C6orf118: variants seen among roughly 807,000 people sequenced by gnomAD.
C6orf118 encodes chromosome 6 open reading frame 118.
A neutral mutation model predicts 50.2 loss-of-function variants in C6orf118; 50 were observed. The observed-to-expected ratio is 1.00, with a 90% CI of 0.79 to 1.26. The LOEUF (loss-of-function observed/expected upper bound fraction) is 1.26. C6orf118 is among the 50% of genes most tolerant of loss of function. C6orf118 has a pLI of 0.00. For missense variants in C6orf118, 641 were observed against 578.7 expected, an observed-to-expected ratio of 1.11 and a Z score of -1.10; for synonymous variants, 239 against 230.9, an observed-to-expected ratio of 1.03 and a Z score of -0.32.
Position 165,286,908 on chromosome 6 carries a change from A to G in C6orf118, c.1302+2978T>C, listed in dbSNP as rs75789419. Among the ~76,000 whole-genome samples, 103 of 152,296 alleles carry G rather than the reference A, an allele frequency of 6.8e-4. 2 individuals are homozygous for G. In the East Asian group the frequency reaches 0.016, roughly 24 times the overall value. ...CTCGCTCACCACTCCTATTCAACAT[A>G]ATATTGGGAGTTCTAGCCAGGGCAA... On this transcript the variant is annotated intron_variant, in intron 7 of 8. Coordinates refer to ENST00000230301, the MANE Select transcript of C6orf118 (RefSeq NM_144980.4).
chr6:165,289,502 T>C (rs1780031704), intron 7 of C6orf118, among the ~76,000 whole-genome samples: 1 of 152,178 alleles, frequency 6.6e-6, no homozygotes, highest in Non-Finnish European at 1.5e-5. Flanking sequence ...ATATGTGTAA[T>C]GGTGGGCTTT....
At chr6:165,281,365 G>A (rs1259562298) in intron 8 of C6orf118, 3 of 342,260 alleles carry the variant, frequency 8.8e-6, no homozygotes, top group Non-Finnish European at 1.4e-5. Flanking sequence ...TTTAATGTAA[G>A]CATTCATGAG....
At chr6:165,282,910 C>T (rs1420322024) in intron 7 of C6orf118, among the ~76,000 whole-genome samples, 3 of 152,000 alleles carry the variant, frequency 2.0e-5, no homozygotes, top group Admixed American at 2.0e-4. Flanking sequence ...TTATATCATG[C>T]TTCAATATTT....
At chr6:165,293,596 C>T (rs530893718) in intron 5 of C6orf118, 125 bp from the exon 6 acceptor site, 21 of 664,080 alleles carry the variant, frequency 3.2e-5, no homozygotes, top group Non-Finnish European at 4.4e-5. Flanking sequence ...ACTTTTAACA[C>T]GACAGATACT....
chr6:165,306,476 A>T (rs532298721), intron 1 of C6orf118, among the ~76,000 whole-genome samples: 1 of 92,456 alleles, frequency 1.1e-5, no homozygotes, highest in Non-Finnish European at 2.0e-5. Flanking sequence ...GAGTATAATA[A>T]AAAAAAATTA....
intron 6 of C6orf118, among the ~76,000 whole-genome samples, chr6:165,291,721 AG>A (rs1372443970): frequency 6.6e-6 from 1 of 152,228 alleles, no homozygotes; most frequent in Non-Finnish European, 1.5e-5. Flanking sequence ...TGGACTCCAA[AG>A]AATATCAACA....
chr6:165,297,695 C>T (rs1235845955), intron 5 of C6orf118, among the ~76,000 whole-genome samples: 4 of 151,984 alleles, frequency 2.6e-5, no homozygotes, highest in Non-Finnish European at 5.9e-5. Flanking sequence ...GATCTGCAGC[C>T]CTCTCGCCTA....
chr6:165,300,234 G>GTGAT, intron 3 of C6orf118, 130 bp downstream of exon 3: 1 of 1,086,236 alleles, frequency 9.2e-7, no homozygotes, highest in Non-Finnish European at 1.3e-6. Flanking sequence ...GTCTCTGGGA[G>GTGAT]TGATGGTCCC....
rs764878086 is a variant in C6orf118 at position 165,302,274 on chromosome 6, G to A, written c.48C>T (p.Cys16=). ...EPELYLKWKH[C]ETPGVKTLCN... ...ACAGGGTCTTCACGCCTGGCGTCTC[G>A]CAGTGCTTCCACTTCAGGTACACTG... Residue 16 remains cysteine (C), a synonymous_variant, in exon 2 of 9, where the codon TGC becomes TGT. Coordinates refer to ENST00000230301, the MANE Select transcript of C6orf118 (RefSeq NM_144980.4). 1.1e-5 allele frequency: 17 copies of A among 1,613,270 alleles called. No homozygotes were observed. In the Admixed American group the frequency reaches 1.8e-4, roughly 17 times the overall value.
chr6:165,295,608 C>T lies in C6orf118; in HGVS notation c.1062-2137G>A, dbSNP rs937510599. On this transcript the variant is annotated intron_variant, in intron 5 of 8. Transcript: ENST00000230301. ...TTGCTAATTCAAATGGATACTTTTC[C>T]GTCAGTGTAGCAATTTATACTATTT... Among the ~76,000 whole-genome samples the T allele has an allele frequency of 4.0e-5, 6 of 151,632 alleles. No individual in the cohort carries two copies. In the East Asian group the frequency reaches 9.7e-4, roughly 24 times the overall value.
intron 8 of C6orf118, among the ~76,000 whole-genome samples, chr6:165,281,304 T>A (rs957407422): frequency 6.6e-6 from 1 of 152,236 alleles, no homozygotes; most frequent in South Asian, 2.1e-4. Context: ...GATTGAGGTC[T>A]AAATCTTAGA....
chr6:165,308,804 G>A (rs551817319), intron 1 of C6orf118, among the ~76,000 whole-genome samples: 29 of 152,266 alleles, frequency 1.9e-4, no homozygotes, highest in African/African-American at 6.7e-4. Flanking sequence ...CCAAGACCAC[G>A]CTCTCAACCT....
intron 7 of C6orf118, among the ~76,000 whole-genome samples, chr6:165,286,508 A>G (rs959495774): frequency 6.6e-6 from 1 of 152,204 alleles, no homozygotes; most frequent in Non-Finnish European, 1.5e-5. Context: ...CCTCTGATGA[A>G]CATTGATGCA....
intron 7 of C6orf118, among the ~76,000 whole-genome samples, chr6:165,288,963 A>G (rs1780012546): frequency 6.6e-6 from 1 of 152,074 alleles, no homozygotes; most frequent in Non-Finnish European, 1.5e-5. Flanking sequence ...AATAAAATAA[A>G]ATAAATAAAT....
intron 7 of C6orf118, among the ~76,000 whole-genome samples, chr6:165,283,474 C>T (rs1169212101): frequency 6.6e-6 from 1 of 152,228 alleles, no homozygotes; most frequent in African/African-American, 2.4e-5. Context: ...GCACCTGCTC[C>T]ACCAAGGGGC....
chr6:165,298,571 A>G lies in C6orf118; in HGVS notation c.937-470T>C, dbSNP rs138713900. 3.7e-3 allele frequency among the ~76,000 whole-genome samples: 564 copies of G among 152,336 alleles called. 2 individuals are homozygous for G. Among genetic ancestry groups the G allele is most frequent in the African/African-American group, 0.012 (519 of 41,572 alleles). On this transcript the variant is annotated intron_variant, in intron 4 of 8. Coordinates refer to ENST00000230301, the MANE Select transcript of C6orf118 (RefSeq NM_144980.4). ...GGTTGCCAGGGTTACAGACACAGAA[A>G]GAGGCATCCAGGGCCCTGCTGGCCT...
Position 165,309,551 on chromosome 6 carries a change from A to G in C6orf118, c.25+11T>C. ...CTCACAAGCCAGCAAGAGCCGCTCC[A>G]GGCCACTTACATTCAGGCTCCCGCT... On this transcript the variant is annotated intron_variant, in intron 1 of 8. Transcript: ENST00000230301. 1.9e-6 allele frequency: 3 copies of G among 1,614,150 alleles called. No individual in the cohort carries two copies. Among genetic ancestry groups the G allele is most frequent in the Non-Finnish European group, 2.5e-6 (3 of 1,179,990 alleles).
At chr6:165,305,014 A>C (rs1780673424) in intron 1 of C6orf118, among the ~76,000 whole-genome samples, 1 of 80,086 alleles carries the variant, frequency 1.2e-5, no homozygotes, top group East Asian at 2.9e-4. Context: ...CGCATCACCA[A>C]GTCAATCCTA....
intron 5 of C6orf118, among the ~76,000 whole-genome samples, chr6:165,296,828 C>T (rs540260581): frequency 2.3e-4 from 35 of 152,200 alleles, no homozygotes; most frequent in Non-Finnish European, 4.1e-4. Context: ...CTGTGCCTCA[C>T]CTGATGGACA....
Sources: allele counts gnomAD v4.1 joint callset (sites outside exome capture counted in the v4.1 genomes callset), GRCh38; gene constraint gnomAD v4.1.1; transcripts MANE v1.5; gene names NCBI Gene and HGNC (gene_info 2026-07-23, HGNC 2026-07-21).